CDC73: variants seen among roughly 807,000 people sequenced by gnomAD.
The protein encoded by CDC73 is parafibromin.
A neutral mutation model predicts 83.7 loss-of-function variants in CDC73; 21 were observed. The ratio of observed to expected loss-of-function variants is 0.25; its 90% confidence interval spans 0.18 to 0.36. The LOEUF is 0.36. CDC73 is among the 10% of genes least tolerant of loss of function. The pLI is 1.00. For synonymous variants in CDC73, 224 were observed against 212.9 expected (o/e 1.05, Z -0.45); for missense variants, 342 against 653.3 (o/e 0.52, Z 5.19).
At chr1:193,163,183 G>T (rs1391962210) in intron 10 of CDC73, among the ~76,000 whole-genome samples, 4 of 151,542 alleles carry the variant, frequency 2.6e-5, no homozygotes, top group African/African-American at 7.3e-5. Flanking sequence ...GTGTGGGTGT[G>T]TGTGTATATT....
At chr1:193,212,579 C>T (rs777196622) in intron 13 of CDC73, 102 bp downstream of exon 13, 147 of 759,472 alleles carry the variant, frequency 1.9e-4, no homozygotes, top group Non-Finnish European at 3.0e-4. Context: ...AACAAAATTT[C>T]GGTTTCTGTG....
In CDC73 at chr1:193,191,967, TA is replaced by T. The variant is rs1196127046; in HGVS notation, c.973-11824del. Among the ~76,000 whole-genome samples the T allele has an allele frequency of 2.0e-5, 3 of 152,216 alleles. No individual in the cohort carries two copies. The East Asian group carries it at 5.8e-4, about 29-fold the overall frequency. ...GCAAACCCAGCATATTCTTGATATT[TA>T]AAATTATTAACACTATTAATTTATT... On this transcript the variant is annotated intron_variant, in intron 10 of 16. Transcript: ENST00000367435.
At chr1:193,240,869 G>T (rs1181550015) in intron 15 of CDC73, among the ~76,000 whole-genome samples, 1 of 152,022 alleles carries the variant, frequency 6.6e-6, no homozygotes, top group African/African-American at 2.4e-5. Context: ...TGTTGCCTGT[G>T]CTTTTGAGGT....
chr1:193,147,774 A>G, intron 7 of CDC73, 93 bp from the exon 8 acceptor site: 1 of 770,456 alleles, frequency 1.3e-6, no homozygotes. Context: ...AGTAGGGAAG[A>G]ATCGATAGTA....
intron 3 of CDC73, among the ~76,000 whole-genome samples, chr1:193,135,057 T>C (rs965221126): frequency 5.3e-5 from 8 of 152,170 alleles, no homozygotes; most frequent in Non-Finnish European, 1.0e-4. Flanking sequence ...TGTATGTGTG[T>C]GTGTATATAT....
At chr1:193,149,931 G>GT (rs146597517) in intron 8 of CDC73, among the ~76,000 whole-genome samples, 1 of 152,128 alleles carries the variant, frequency 6.6e-6, no homozygotes, top group East Asian at 1.9e-4. Flanking sequence ...AATAATTTGG[G>GT]TTTTTTTGTT....
intron 11 of CDC73, among the ~76,000 whole-genome samples, chr1:193,204,312 C>CA (rs1229252289): frequency 6.5e-5 from 9 of 138,006 alleles, no homozygotes; most frequent in African/African-American, 2.5e-4. Context: ...TTTTTTGAGA[C>CA]AGAGTCTTGC....
chr1:193,196,922 A>G (rs1677012677), intron 10 of CDC73, among the ~76,000 whole-genome samples: 1 of 152,082 alleles, frequency 6.6e-6, no homozygotes, highest in Non-Finnish European at 1.5e-5. Context: ...TCCAATTTGA[A>G]TGCCTTCTGT....
rs773489555 is a variant in CDC73, at chr1:193,233,196, ACC to A, written c.1316+44_1316+45del. On this transcript the variant is annotated intron_variant, in intron 14 of 16. Coordinates refer to ENST00000367435, the MANE Select transcript of CDC73 (RefSeq NM_024529.5). ...ATATATATCTTTTCACAGGTGTTGAACCCAAGAGAATGAATGTTGTTATTGCC... is the reference window on the plus strand; with the variant it reads ...ATATATATCTTTTCACAGGTGTTGAACAAGAGAATGAATGTTGTTATTGCC... 7 of 1,536,618 alleles carry A rather than the reference ACC, an allele frequency of 4.6e-6. No individual in the cohort carries two copies. In the East Asian group the frequency reaches 1.6e-4, roughly 35 times the overall value.
intron 2 of CDC73, among the ~76,000 whole-genome samples, chr1:193,126,005 A>G (rs1191011416): frequency 1.3e-5 from 2 of 152,282 alleles, no homozygotes; most frequent in East Asian, 3.9e-4. Flanking sequence ...GCACGCTGGT[A>G]ATCCCAGCTA....
chr1:193,139,616 T>A (rs1675867076), intron 6 of CDC73, among the ~76,000 whole-genome samples: 1 of 152,240 alleles, frequency 6.6e-6, no homozygotes, highest in South Asian at 2.1e-4. Flanking sequence ...ACATATCATG[T>A]GATCTTTGCA....
rs939799509 is a variant in CDC73 at position 193,251,719 on chromosome 1, A to G, written c.*1007A>G. Reference sequence around the variant, plus strand: ...TGGTATTTTTATGTCTGTATTCAATATGGTATAAAATATAAAAACTATATT... The same window carrying G: ...TGGTATTTTTATGTCTGTATTCAATGTGGTATAAAATATAAAAACTATATT... On this transcript the variant is annotated 3_prime_UTR_variant, in exon 17 of 17. Coordinates refer to ENST00000367435, the MANE Select transcript of CDC73 (RefSeq NM_024529.5). 1.3e-5 allele frequency: 3 copies of G among 232,086 alleles called. No individual in the cohort carries two copies. Among genetic ancestry groups the G allele is most frequent in the Admixed American group, 5.6e-5 (1 of 17,718 alleles). The allele number at this position is 232,086 out of a possible 1,614,324, so 14.4% of individuals were successfully genotyped here. A position where few individuals can be genotyped will look rare whatever the true frequency, so the allele number is the denominator to read the frequency against.
Position 193,147,560 on chromosome 1 carries a change from G to A in CDC73, c.730-307G>A, listed in dbSNP as rs866198916. Among the ~76,000 whole-genome samples the A allele has an allele frequency of 4.0e-5, 6 of 151,858 alleles. No homozygotes were observed. The South Asian group carries it at 1.2e-3, about 32-fold the overall frequency. On this transcript the variant is annotated intron_variant, in intron 7 of 16. Transcript: ENST00000367435. ...TTTTTTGTATTTTTAGTAGAGACGG[G>A]GTTTCACCTGTGTTAGCCAGGGTGG...
In CDC73 at chr1:193,241,692, G is replaced by A. The variant is rs868343430; in HGVS notation, c.1417+5336G>A. Reference sequence around the variant, plus strand: ...GGTGGTAGTGGCAGGTTGGTTGGGCGTGTCTTCTGCCCCTGGGAAAAGTGC... The same window carrying A: ...GGTGGTAGTGGCAGGTTGGTTGGGCATGTCTTCTGCCCCTGGGAAAAGTGC... On this transcript the variant is annotated intron_variant, in intron 15 of 16. Coordinates refer to ENST00000367435, the MANE Select transcript of CDC73 (RefSeq NM_024529.5). Among the ~76,000 whole-genome samples, 10 of 152,304 alleles carry A rather than the reference G, an allele frequency of 6.6e-5. No homozygotes were observed. The South Asian group carries it at 1.9e-3, about 28-fold the overall frequency.
chr1:193,177,830 G>T (rs1346363480), intron 10 of CDC73, among the ~76,000 whole-genome samples: 1 of 152,166 alleles, frequency 6.6e-6, no homozygotes, highest in East Asian at 1.9e-4. Flanking sequence ...AAAGAGGTGT[G>T]AGGAGAAATC....
intron 15 of CDC73, among the ~76,000 whole-genome samples, chr1:193,248,687 G>A (rs544436849): frequency 1.3e-3 from 197 of 152,074 alleles, no homozygotes; most frequent in African/African-American, 4.3e-3. Context: ...TACCTTCATG[G>A]TTCATAGATG....
Position 193,125,205 on chromosome 1 carries a change from C to T in CDC73, c.225C>T (p.Val75=), listed in dbSNP as rs1327944866. ...NNVHLSHPVY[V]RRAATENIPV... ...TGCACCTTTCTCATCCTGTTTATGTCCGACGTGCAGCTGTAAGTAGAATTC... is the reference window on the plus strand; with the variant it reads ...TGCACCTTTCTCATCCTGTTTATGTTCGACGTGCAGCTGTAAGTAGAATTC... The change falls in exon 2 of 17, where the codon GTC becomes GTT. Residue 75 remains valine, a synonymous_variant. Transcript: ENST00000367435. 4 of 1,559,054 alleles carry T rather than the reference C, an allele frequency of 2.6e-6. No homozygotes were observed. In the African/African-American group the frequency reaches 4.1e-5, roughly 16 times the overall value.
intron 13 of CDC73, among the ~76,000 whole-genome samples, chr1:193,221,376 A>G (rs1006195563): frequency 6.6e-6 from 1 of 151,852 alleles, no homozygotes; most frequent in Non-Finnish European, 1.5e-5. Flanking sequence ...TACACTTGGT[A>G]TTGTGTTGTT....
intron 10 of CDC73, among the ~76,000 whole-genome samples, chr1:193,197,106 G>A (rs1269845097): frequency 6.6e-6 from 1 of 152,152 alleles, no homozygotes; most frequent in East Asian, 1.9e-4. Flanking sequence ...GGAGGACATT[G>A]CCTTCCATTC....
Sources: gnomAD v4.1 joint callset for allele counts (sites outside exome capture counted in the v4.1 genomes callset) on GRCh38, gnomAD v4.1.1 for gene constraint, MANE v1.5 for transcripts, NCBI Gene and HGNC (gene_info 2026-07-23, HGNC 2026-07-21) for gene names.